Variants in PLA2G4B observed in about 807,000 individuals in gnomAD.
The protein encoded by PLA2G4B is phospholipase A2 group IVB.
PLA2G4B carries 122 observed loss-of-function variants against 95.8 expected under a neutral mutation model. The observed-to-expected ratio is 1.27, with a 90% confidence interval of 1.10 to 1.48. The LOEUF (loss-of-function observed/expected upper bound fraction) is 1.48, where lower values mean the gene tolerates loss of function less well. Ranked by LOEUF, PLA2G4B falls within the 40% of genes most tolerant of loss-of-function variation. The pLI, the probability that PLA2G4B is intolerant of heterozygous loss-of-function variation, is 0.00. For missense variants in PLA2G4B, 1,158 were observed against 996.2 expected, an observed-to-expected ratio of 1.16 and a Z score of -2.19; for synonymous variants, 518 against 421.5, an observed-to-expected ratio of 1.23 and a Z score of -2.80.
intron 17 of PLA2G4B, 127 bp downstream of exon 17, chr15:41,846,509 G>T: frequency 2.0e-6 from 3 of 1,502,902 alleles, no homozygotes; most frequent in Non-Finnish European, 1.8e-6. Flanking sequence ...TGGAACAGGG[G>T]TCTTTTTCTC....
Position 41,845,634 on chromosome 15 carries a change from A to G in PLA2G4B, c.1358-4A>G, listed in dbSNP as rs1344377598. ...CATGAGGCTGAGGCGTGGACTCCTC[A>G]CAGAGTGGTGCGAGTTCTCTCCCTA... On this transcript the variant is annotated splice_region_variant and splice_polypyrimidine_tract_variant and intron_variant, in intron 14 of 19. Coordinates refer to ENST00000458483, the MANE Select transcript of PLA2G4B (RefSeq NM_001114633.2). The G allele has an allele frequency of 9.9e-6, 16 of 1,614,078 alleles. No homozygotes were observed. Among genetic ancestry groups the G allele is most frequent in the Non-Finnish European group, 1.4e-5 (16 of 1,179,982 alleles).
intron 12 of PLA2G4B, 109 bp from the exon 13 acceptor site, chr15:41,844,739 C>G: frequency 6.4e-7 from 1 of 1,550,662 alleles, no homozygotes; most frequent in Non-Finnish European, 8.7e-7. Context: ...CTCAAGGGGA[C>G]CCTGGGAAGG....
intron 16 of PLA2G4B, 48 bp from the exon 17 acceptor site, chr15:41,846,155 G>A (rs558561812): frequency 6.3e-7 from 1 of 1,596,214 alleles, no homozygotes; most frequent in Non-Finnish European, 8.6e-7. Context: ...CCACCAAGGT[G>A]GGGATAAAGG....
intron 1 of PLA2G4B, 139 bp downstream of exon 1, chr15:41,839,061 G>A (rs2065377374): frequency 1.4e-5 from 9 of 643,584 alleles, no homozygotes; most frequent in Non-Finnish European, 2.1e-5. Context: ...CCAGGGTAGC[G>A]GGCAGAAGCC....
chr15:41,844,779 C>T lies in PLA2G4B; in HGVS notation c.1017-69C>T, dbSNP rs2305654. On this transcript the variant is annotated intron_variant, in intron 12 of 19. Coordinates refer to ENST00000458483, the MANE Select transcript of PLA2G4B (RefSeq NM_001114633.2). ...TGCCAGGCCATTGTCCTAGAAAGCC[C>T]GGGGCACGTGGGGTCTAGACGGGGT... 4.7e-3 allele frequency: 7,195 copies of T among 1,536,420 alleles called. 52 individuals are homozygous for T. Among genetic ancestry groups the T allele is most frequent in the East Asian group, 0.023 (970 of 42,050 alleles).
In PLA2G4B at chr15:41,843,718, A is replaced by G; in HGVS notation, c.786A>G (p.Ala262=). Residue 262 remains alanine (A), a synonymous_variant, in exon 11 of 20, where the codon GCA becomes GCG. Coordinates refer to ENST00000458483, the MANE Select transcript of PLA2G4B (RefSeq NM_001114633.2). The part of the protein sequence containing the change: ...LAVRLGFGPC[A]EEQAFLSRRK... Reference sequence around the variant, plus strand: ...TGCGACTGGGCTTCGGGCCCTGTGCAGAGGAGCAGGCCTTCCTGAGCAGGA... The same window carrying G: ...TGCGACTGGGCTTCGGGCCCTGTGCGGAGGAGCAGGCCTTCCTGAGCAGGA... 2 of 1,613,976 alleles carry G rather than the reference A, an allele frequency of 1.2e-6. No homozygotes were observed. Among genetic ancestry groups the G allele is most frequent in the Non-Finnish European group, 1.7e-6 (2 of 1,179,998 alleles).
At chr15:41,842,782 G>A in intron 10 of PLA2G4B, 191 bp downstream of exon 10, 1 of 860,590 alleles carries the variant, frequency 1.2e-6, no homozygotes, top group Non-Finnish European at 1.7e-6. Context: ...AGCACCTATG[G>A]TCAGAGGGGC....
At chr15:41,847,058 AGG>A (rs933923565) in intron 18 of PLA2G4B, among the ~76,000 whole-genome samples, 7 of 152,022 alleles carry the variant, frequency 4.6e-5, no homozygotes, top group African/African-American at 1.7e-4. Context: ...CTGACCTGCG[AGG>A]TGTGGTCCTG....
chr15:41,841,850 T>C lies in PLA2G4B; in HGVS notation c.522T>C (p.Pro174=). ...SSEHRVQLVV[P]GSCEGPQEAS... ...AGCACAGAGTTCAGCTTGTGGTTCC[T>C]GGGTCCTGTGAGGGTCCGCAGGAGG... is the stretch of plus-strand genomic sequence containing the variant. The change falls in exon 8 of 20, where the codon CCT becomes CCC. Residue 174 remains proline (P), a synonymous_variant. Transcript: ENST00000458483. 1.2e-6 allele frequency: 2 copies of C among 1,613,574 alleles called. No individual in the cohort carries two copies. The highest frequency in any genetic ancestry group is 8.5e-7 in the Non-Finnish European group (1 of 1,179,874).
Position 41,845,272 on chromosome 15 carries a change from T to C in PLA2G4B, c.1309T>C (p.Cys437Arg), listed in dbSNP as rs758090378. The C allele has an allele frequency of 3.7e-6, 6 of 1,614,062 alleles. No individual in the cohort carries two copies. Among genetic ancestry groups the C allele is most frequent in the Non-Finnish European group, 5.1e-6 (6 of 1,180,012 alleles). The change falls in exon 14 of 20, where the codon TGT (cysteine) becomes CGT (arginine). Residue 437 changes from cysteine (C) to arginine (R), a missense_variant. By Grantham distance (180) the Cys-to-Arg change is radical (BLOSUM62 -3). Coordinates refer to ENST00000458483, the MANE Select transcript of PLA2G4B (RefSeq NM_001114633.2). ...TGGCCAGAACCCTCTGCCCATCTAC[T>C]GTGCCCTCAACACCAAAGGGCAGAG... ...SHGQNPLPIY[C>R]ALNTKGQSLT...
At chr15:41,841,663 T>C (rs1405971847) in intron 7 of PLA2G4B, 92 bp downstream of exon 7, 2 of 1,590,400 alleles carry the variant, frequency 1.3e-6, no homozygotes, top group Non-Finnish European at 1.7e-6. Context: ...GCCTGAGCTT[T>C]CCCCTTAGGC....
intron 10 of PLA2G4B, chr15:41,842,801 G>A (rs2065459141): frequency 8.8e-6 from 6 of 678,728 alleles, no homozygotes; most frequent in Non-Finnish European, 1.1e-5. Context: ...GCGAGTGACC[G>A]GCCCAGTGCC....
chr15:41,838,889 T>C lies in PLA2G4B; in HGVS notation c.-25T>C. ...TGATCCTGTGGCCACTGCCCCATCA[T>C]TCCTGCTCCTGAGGACTCAGTCTCA... On this transcript the variant is annotated 5_prime_UTR_variant, in exon 1 of 20. Coordinates refer to ENST00000458483, the MANE Select transcript of PLA2G4B (RefSeq NM_001114633.2). 1 of 1,592,254 alleles carries C rather than the reference T, an allele frequency of 6.3e-7. No individual in the cohort carries two copies.
intron 17 of PLA2G4B, 137 bp downstream of exon 17, chr15:41,846,519 C>G (rs1481923941): frequency 6.6e-6 from 10 of 1,504,372 alleles, no homozygotes; most frequent in Non-Finnish European, 8.9e-6. Context: ...GTCTTTTTCT[C>G]CTTGTCTTGG....
At chr15:41,844,799 C>T (rs750978664) in intron 12 of PLA2G4B, 49 bp from the exon 13 acceptor site, 43 of 1,558,888 alleles carry the variant, frequency 2.8e-5, no homozygotes, top group South Asian at 1.2e-4. Flanking sequence ...GGGGTCTAGA[C>T]GGGGTCCTTC....
At chr15:41,845,497 T>C (rs2065521908) in intron 14 of PLA2G4B, 141 bp from the exon 15 acceptor site, 7 of 1,476,732 alleles carry the variant, frequency 4.7e-6, no homozygotes, top group Non-Finnish European at 6.3e-6. Flanking sequence ...GCAGGGGCCT[T>C]AGGTCCTATG....
At chr15:41,841,476 G>A (rs774681659) in intron 6 of PLA2G4B, 41 bp from the exon 7 acceptor site, 30 of 1,613,736 alleles carry the variant, frequency 1.9e-5, no homozygotes, top group Admixed American at 3.3e-5. Flanking sequence ...CCCTGAATGG[G>A]GGGTGGGGTT....
Position 41,842,227 on chromosome 15 carries a change from GTGCCC to G in PLA2G4B, c.663_667del (p.Pro222TrpfsTer70). 6.2e-7 allele frequency: 1 copy of G among 1,614,124 alleles called. No individual in the cohort carries two copies. The highest frequency in any genetic ancestry group is 8.5e-7 in the Non-Finnish European group (1 of 1,180,008). On this transcript the variant is annotated frameshift_variant, in exon 9 of 20. Transcript: ENST00000458483. LOFTEE classifies it high-confidence loss of function. ...GAGGAGCAACTAAAGGCGCCACTGA[GTGCCC>G]TGCCCTCTGGTCAAGTGGTGAGGCT...
Position 41,846,228 on chromosome 15 carries a change from G to A in PLA2G4B, c.1626G>A (p.Lys542=), listed in dbSNP as rs1197429037. 4 of 1,613,792 alleles carry A rather than the reference G, an allele frequency of 2.5e-6. No individual in the cohort carries two copies. Among genetic ancestry groups the A allele is most frequent in the Admixed American group, 1.7e-5 (1 of 60,004 alleles). Residue 542 remains lysine, a synonymous_variant, in exon 17 of 20, where the codon AAG becomes AAA. Transcript: ENST00000458483. Reference sequence around the variant, plus strand: ...ACAAGGAGCAGGTCCCCCTTCTGAAGATAGAAGAACCACCCTCAACAGCCG... The same window carrying A: ...ACAAGGAGCAGGTCCCCCTTCTGAAAATAGAAGAACCACCCTCAACAGCCG... ...NLDKEQVPLL[K]IEEPPSTAGR... is the part of the protein sequence containing the mutation.
Sources: gnomAD v4.1 joint callset for allele counts (sites outside exome capture counted in the v4.1 genomes callset) on GRCh38, gnomAD v4.1.1 for gene constraint, MANE v1.5 for transcripts, NCBI Gene and HGNC (gene_info 2026-07-23, HGNC 2026-07-21) for gene names.